Variants in ST6GALNAC3 observed in about 807,000 individuals in gnomAD.
ST6GALNAC3 encodes the protein ST6 N-acetylgalactosaminide alpha-2,6-sialyltransferase 3, also known as alpha-N-acetylgalactosaminide alpha-2,6-sialyltransferase 3.
Under a neutral mutation model 32.7 loss-of-function variants are expected in ST6GALNAC3, and 25 were observed. The ratio of observed to expected loss-of-function variants is 0.76; its 90% CI spans 0.56 to 1.07. The LOEUF (loss-of-function observed/expected upper bound fraction) is 1.07, where lower values mean the gene tolerates loss of function less well. Among genes scored for constraint, ST6GALNAC3 ranks in the 50% least tolerant of loss-of-function variants. The probability of loss-of-function intolerance (pLI) is 0.00; values close to 1 mark genes in which losing one functional copy is unlikely to be tolerated. For synonymous variants in ST6GALNAC3, 129 were observed against 133.1 expected (o/e 0.97, Z 0.21); for missense variants, 355 against 382.4 (o/e 0.93, Z 0.60).
At chr1:76,498,947 T>C (rs1661017064) in intron 3 of ST6GALNAC3, among the ~76,000 whole-genome samples, 1 of 152,068 alleles carries the variant, frequency 6.6e-6, no homozygotes, top group Non-Finnish European at 1.5e-5. Context: ...TGCACAGCCA[T>C]AAATATTAAT....
chr1:76,550,662 C>T (rs878924574), intron 3 of ST6GALNAC3, among the ~76,000 whole-genome samples: 1 of 152,122 alleles, frequency 6.6e-6, no homozygotes, highest in Non-Finnish European at 1.5e-5. Context: ...TCCATAATCT[C>T]TTTGTGTACC....
Position 76,615,504 on chromosome 1 carries a change from G to A in ST6GALNAC3, c.624-11948G>A, listed in dbSNP as rs528945915. ...CTTGCAGTCAGAATTTCAGGGTTCA[G>A]AAACATAGGCCTAAAGTGTTATCAC... On this transcript the variant is annotated intron_variant, in intron 3 of 4. Coordinates refer to ENST00000328299, the MANE Select transcript of ST6GALNAC3 (RefSeq NM_152996.4). 2.6e-5 allele frequency among the ~76,000 whole-genome samples: 4 copies of A among 152,316 alleles called. No homozygotes were observed. The East Asian group carries it at 7.7e-4, about 29-fold the overall frequency.
chr1:76,550,796 G>A (rs1361572874), intron 3 of ST6GALNAC3, among the ~76,000 whole-genome samples: 2 of 152,044 alleles, frequency 1.3e-5, no homozygotes, highest in Non-Finnish European at 2.9e-5. Flanking sequence ...TGTCACCCAG[G>A]CTGGAATGCA....
chr1:76,425,370 A>G (rs1003948729), intron 3 of ST6GALNAC3, among the ~76,000 whole-genome samples: 3 of 152,094 alleles, frequency 2.0e-5, no homozygotes, highest in South Asian at 2.1e-4. Context: ...TTACTAACAT[A>G]CAACCATACG....
Position 76,494,768 on chromosome 1 carries a change from C to CACAT in ST6GALNAC3, c.623+82352_623+82353insCATA, listed in dbSNP as rs1553127767. ...GCACACACACACACACACACACACA[C>CACAT]ATATATATGTAGGAAGAGATTTATT... On this transcript the variant is annotated intron_variant, in intron 3 of 4. Coordinates refer to ENST00000328299, the MANE Select transcript of ST6GALNAC3 (RefSeq NM_152996.4). Among the ~76,000 whole-genome samples the CACAT allele has an allele frequency of 2.7e-5, 4 of 150,378 alleles. No homozygotes were observed. The South Asian group carries it at 6.3e-4, about 24-fold the overall frequency.
At chr1:76,178,296 G>T (rs1484984442) in intron 1 of ST6GALNAC3, among the ~76,000 whole-genome samples, 2 of 152,188 alleles carry the variant, frequency 1.3e-5, no homozygotes, top group Non-Finnish European at 2.9e-5. Context: ...GATGAAATAG[G>T]CTTCACTAGA....
chr1:76,152,598 G>GTC, intron 1 of ST6GALNAC3, among the ~76,000 whole-genome samples: 1 of 152,290 alleles, frequency 6.6e-6, no homozygotes, highest in African/African-American at 2.4e-5. Flanking sequence ...AGGAGGCTGT[G>GTC]CCAAGGACAA....
At chr1:76,295,034 C>G (rs1239931547) in intron 1 of ST6GALNAC3, among the ~76,000 whole-genome samples, 2 of 152,022 alleles carry the variant, frequency 1.3e-5, no homozygotes, top group Non-Finnish European at 2.9e-5. Flanking sequence ...AGCAGCTGCC[C>G]CACTCCATGC....
intron 1 of ST6GALNAC3, among the ~76,000 whole-genome samples, chr1:76,137,289 C>T (rs1421476164): frequency 6.6e-6 from 1 of 152,238 alleles, no homozygotes. Flanking sequence ...CGATTTTCAG[C>T]ACCCTCAGCT....
chr1:76,336,470 G>A (rs572822538), intron 2 of ST6GALNAC3, among the ~76,000 whole-genome samples: 38 of 152,212 alleles, frequency 2.5e-4, no homozygotes, highest in East Asian at 1.7e-3. Flanking sequence ...ATTTCCATTC[G>A]ATTCGGTGGC....
intron 3 of ST6GALNAC3, among the ~76,000 whole-genome samples, chr1:76,547,877 A>G (rs1664394461): frequency 2.0e-5 from 3 of 151,968 alleles, no homozygotes; most frequent in Admixed American, 1.3e-4. Flanking sequence ...AAAAAAAAAA[A>G]AAATCAACCA....
intron 2 of ST6GALNAC3, among the ~76,000 whole-genome samples, chr1:76,327,874 ACC>A (rs1647108988): frequency 6.6e-6 from 1 of 152,082 alleles, no homozygotes; most frequent in South Asian, 2.1e-4. Flanking sequence ...ACAGGCGTGA[ACC>A]CCCATGCCTG....
intron 2 of ST6GALNAC3, among the ~76,000 whole-genome samples, chr1:76,387,889 G>GA (rs5775346): frequency 1.3e-3 from 196 of 151,716 alleles, no homozygotes; most frequent in Middle Eastern, 3.4e-3. Flanking sequence ...TTCTATGACT[G>GA]AAAAAAAATC....
intron 2 of ST6GALNAC3, among the ~76,000 whole-genome samples, chr1:76,325,674 T>G (rs1378619941): frequency 6.7e-6 from 1 of 150,004 alleles, no homozygotes; most frequent in African/African-American, 2.4e-5. Flanking sequence ...ATGGTAGACA[T>G]GCTGAAAATA....
intron 2 of ST6GALNAC3, among the ~76,000 whole-genome samples, chr1:76,359,224 T>C (rs1649735303): frequency 6.6e-6 from 1 of 152,164 alleles, no homozygotes; most frequent in South Asian, 2.1e-4. Context: ...TTAAAAAATA[T>C]AGTGGTTGAA....
intron 1 of ST6GALNAC3, among the ~76,000 whole-genome samples, chr1:76,287,978 C>A (rs1570823): frequency 0.097 from 14,715 of 152,192 alleles, 945 homozygotes; most frequent in East Asian, 0.27. Flanking sequence ...GTTTAGCAAT[C>A]AGCCTGCCTT....
intron 3 of ST6GALNAC3, among the ~76,000 whole-genome samples, chr1:76,419,650 T>C (rs1024800514): frequency 6.6e-6 from 1 of 152,148 alleles, no homozygotes; most frequent in Non-Finnish European, 1.5e-5. Context: ...CTCTGTTTTT[T>C]CTCTATTCTT....
chr1:76,129,106 C>G (rs949728009), intron 1 of ST6GALNAC3, among the ~76,000 whole-genome samples: 8 of 152,230 alleles, frequency 5.3e-5, no homozygotes, highest in African/African-American at 1.7e-4. Context: ...TTTGCGTGTC[C>G]TATAACATCA....
At chr1:76,550,453 T>C (rs778480694) in intron 3 of ST6GALNAC3, among the ~76,000 whole-genome samples, 1 of 152,216 alleles carries the variant, frequency 6.6e-6, no homozygotes, top group Admixed American at 6.5e-5. Context: ...CAAGTTTGCA[T>C]GTATGTGTGT....
Sources: gnomAD v4.1 joint callset for allele counts (sites outside exome capture counted in the v4.1 genomes callset) on GRCh38, gnomAD v4.1.1 for gene constraint, MANE v1.5 for transcripts, NCBI Gene and HGNC (gene_info 2026-07-23, HGNC 2026-07-21) for gene names.